The following AKT1 variants were observed in gnomAD, a reference collection of about 807,000 sequenced individuals.
AKT1 encodes the protein RAC-alpha serine/threonine-protein kinase.
A neutral mutation model predicts 63.1 loss-of-function variants in AKT1; 21 were observed. The observed-to-expected ratio is 0.33, with a 90% CI of 0.24 to 0.48. The LOEUF (loss-of-function observed/expected upper bound fraction) is 0.48, where lower values mean the gene tolerates loss of function less well. Among genes scored for constraint, AKT1 ranks in the 20% least tolerant of loss-of-function variants. AKT1 has a pLI of 0.99. For missense variants in AKT1, 382 were observed against 666.0 expected (o/e 0.57, Z 4.69); for synonymous variants, 257 against 253.1 (o/e 1.02, Z -0.15).
At chr14:104,770,976 G>T in intron 13 of AKT1, 129 bp from the exon 14 acceptor site, 1 of 776,892 alleles carries the variant, frequency 1.3e-6, no homozygotes, top group Non-Finnish European at 2.1e-6. Flanking sequence ...ATGTCAGAGA[G>T]CAGCAAGCCA....
intron 5 of AKT1, 103 bp from the exon 6 acceptor site, chr14:104,775,902 C>T (rs1000525389): frequency 2.8e-6 from 4 of 1,434,362 alleles, no homozygotes; most frequent in South Asian, 2.7e-5. Context: ...CCACAGCTGT[C>T]GGGGTTCCCA....
intron 3 of AKT1, among the ~76,000 whole-genome samples, chr14:104,782,789 G>C (rs1893130003): frequency 6.6e-6 from 1 of 152,134 alleles, no homozygotes; most frequent in Admixed American, 6.5e-5. Context: ...GACCCCTCCA[G>C]GGGAGGAGCA....
intron 3 of AKT1, among the ~76,000 whole-genome samples, chr14:104,788,472 G>C (rs548788173): frequency 5.3e-5 from 8 of 152,282 alleles, no homozygotes; most frequent in African/African-American, 1.2e-4. Context: ...TCTTCTCAAG[G>C]GTGTTTACTC....
chr14:104,774,144 G>T (rs886678023), intron 8 of AKT1, 164 bp from the exon 9 acceptor site: 21 of 640,496 alleles, frequency 3.3e-5, no homozygotes, highest in Non-Finnish European at 4.8e-5. Context: ...CACACCGCCC[G>T]ATACCACACT....
intron 12 of AKT1, 127 bp from the exon 13 acceptor site, chr14:104,772,579 T>A: frequency 1.1e-6 from 1 of 923,796 alleles, no homozygotes; most frequent in Non-Finnish European, 1.7e-6. Flanking sequence ...GGGGAGCCGG[T>A]GGTGCAGCGT....
At chr14:104,789,872 C>T (rs1893535589) in intron 3 of AKT1, among the ~76,000 whole-genome samples, 1 of 152,202 alleles carries the variant, frequency 6.6e-6, no homozygotes, top group Non-Finnish European at 1.5e-5. Flanking sequence ...GCCACAGGTC[C>T]ACACAGGCCT....
rs1316939805 is a variant in AKT1 at position 104,795,382 on chromosome 14, G to A, written c.-258+102C>T. 1.3e-5 allele frequency: 2 copies of A among 148,654 alleles called. No individual in the cohort carries two copies. The highest frequency in any genetic ancestry group is 3.0e-5 in the Non-Finnish European group (2 of 66,694). The allele number at this position is 148,654 out of a possible 1,614,324, so 9.2% of individuals were successfully genotyped here. ...CCTGCTCCCGCTCCTCCATTCTGGC[G>A]GCGCCGCGGCTCGCGCCCCGGCCCG... On this transcript the variant is annotated intron_variant, in intron 1 of 14. Transcript: ENST00000649815. This position sits in a 1 kb window ranked among gnomAD's most constrained non-coding sequence, Gnocchi z 5.1.
chr14:104,770,406 A>G lies in AKT1; in HGVS notation c.1378T>C (p.Cys460Arg). 2 of 1,611,656 alleles carry G rather than the reference A, an allele frequency of 1.2e-6. No individual in the cohort carries two copies. The highest frequency in any genetic ancestry group is 1.7e-6 in the Non-Finnish European group (2 of 1,179,712). Reference sequence around the variant, plus strand: ...TGGGGCCTGCGCTCGCTGTCCACACACTCCATGCTGTCATCTGTGGGTGTA... The same window carrying G: ...TGGGGCCTGCGCTCGCTGTCCACACGCTCCATGCTGTCATCTGTGGGTGTA... Reference protein sequence around the residue: ...TPPDQDDSMECVDSERRPHFP... With the variant: ...TPPDQDDSMERVDSERRPHFP... The change falls in exon 15 of 15, where the codon TGT (cysteine) becomes CGT (arginine). Residue 460 changes from cysteine (C) to arginine (R), a missense_variant. By Grantham distance (180) the Cys-to-Arg change is radical. Coordinates refer to ENST00000649815, the MANE Select transcript of AKT1 (RefSeq NM_001382430.1).
chr14:104,777,303 GCACACCTGGGGCACAGC>G (rs1258358661), intron 4 of AKT1: 42 of 122,016 alleles, frequency 3.4e-4, no homozygotes, highest in Non-Finnish European at 4.4e-4. Flanking sequence ...TGGGGCACAG[GCACACCTGGGGCACAGC>G]CACACCTGGG....
chr14:104,776,567 C>T, intron 5 of AKT1, 92 bp downstream of exon 5: 2 of 1,115,654 alleles, frequency 1.8e-6, no homozygotes, highest in Non-Finnish European at 2.6e-6. Flanking sequence ...AGGATGGCTA[C>T]AGGCAGAGGT....
rs1258827296 is a variant in AKT1 at position 104,773,710 on chromosome 14, G to A, written c.703-130C>T. The A allele has an allele frequency of 9.3e-6, 13 of 1,391,760 alleles. No homozygotes were observed. In the African/African-American group the frequency reaches 1.9e-4, roughly 20 times the overall value. The allele number at this position is 1,391,760 out of a possible 1,614,324, so 86.2% of individuals were successfully genotyped here. A position where few individuals can be genotyped will look rare whatever the true frequency, so the allele number is the denominator to read the frequency against. ...GGACCAGCCACCAGAGGGCACGGGG[G>A]CCTGGAAAGTCTCAGAAGCCCTAAC... On this transcript the variant is annotated intron_variant, in intron 9 of 14. Coordinates refer to ENST00000649815, the MANE Select transcript of AKT1 (RefSeq NM_001382430.1).
intron 3 of AKT1, among the ~76,000 whole-genome samples, chr14:104,786,001 C>T (rs868505471): frequency 3.3e-5 from 5 of 152,114 alleles, no homozygotes; most frequent in Admixed American, 2.0e-4. Context: ...AGGCACTGCC[C>T]GTCACCCACC....
At chr14:104,771,021 G>A (rs1171453984) in intron 13 of AKT1, 174 bp from the exon 14 acceptor site, 1 of 615,512 alleles carries the variant, frequency 1.6e-6, no homozygotes, top group African/African-American at 1.8e-5. Context: ...GGGAGGGAGG[G>A]ACATGAGGGG....
intron 4 of AKT1, chr14:104,777,633 G>C: frequency 1.0e-6 from 1 of 989,260 alleles, no homozygotes; most frequent in African/African-American, 1.7e-5. Flanking sequence ...GGGGCCCTGA[G>C]AGGTGTGAGT....
intron 3 of AKT1, among the ~76,000 whole-genome samples, chr14:104,788,955 G>T (rs61759769): frequency 6.6e-6 from 1 of 152,200 alleles, no homozygotes; most frequent in East Asian, 1.9e-4. Context: ...ACCCGGGCCC[G>T]GCCAGGCACC....
Position 104,772,776 on chromosome 14 carries a change from G to C in AKT1, c.1172+102C>G, listed in dbSNP as rs542504768. ...CAAGGACATCAAGCTTTGGCTATCA[G>C]TGTAGTCTGGGAGGTGCCAGGACCG... On this transcript the variant is annotated intron_variant, in intron 12 of 14. Coordinates refer to ENST00000649815, the MANE Select transcript of AKT1 (RefSeq NM_001382430.1). 58 of 1,256,008 alleles carry C rather than the reference G, an allele frequency of 4.6e-5. No homozygotes were observed. The East Asian group carries it at 1.3e-3, about 29-fold the overall frequency. The allele number at this position is 1,256,008 out of a possible 1,614,324, so 77.8% of individuals were successfully genotyped here. A position where few individuals can be genotyped will look rare whatever the true frequency, so the allele number is the denominator to read the frequency against.
rs552926365 is a variant in AKT1 at position 104,783,058 on chromosome 14, C to T, written c.47-2842G>A. ...GGGGCAGGTGGAGGAGACAGCCACC[C>T]GGGGCCCAGCATCACTGTCCTCATG... On this transcript the variant is annotated intron_variant, in intron 3 of 14. Coordinates refer to ENST00000649815, the MANE Select transcript of AKT1 (RefSeq NM_001382430.1). 3.1e-3 allele frequency among the ~76,000 whole-genome samples: 477 copies of T among 152,248 alleles called. 7 individuals are homozygous for T. Among genetic ancestry groups the T allele is most frequent in the Non-Finnish European group, 3.3e-3 (225 of 67,996 alleles).
At chr14:104,783,434 A>G (rs1893171047) in intron 3 of AKT1, among the ~76,000 whole-genome samples, 1 of 151,986 alleles carries the variant, frequency 6.6e-6, no homozygotes, top group Admixed American at 6.6e-5. Flanking sequence ...CACACCGACC[A>G]TGGGAAGCAC....
intron 13 of AKT1, 46 bp downstream of exon 13, chr14:104,772,319 A>G (rs988779702): frequency 2.5e-6 from 4 of 1,594,106 alleles, no homozygotes; most frequent in Non-Finnish European, 3.4e-6. Flanking sequence ...GAGTGTGGAT[A>G]TGTGGGGAGC....
Sources: allele counts gnomAD v4.1 joint callset (sites outside exome capture counted in the v4.1 genomes callset), GRCh38; gene constraint gnomAD v4.1.1; non-coding constraint Gnocchi (gnomAD v3.1); transcripts MANE v1.5; gene names NCBI Gene and HGNC (gene_info 2026-07-23, HGNC 2026-07-21).